Variants in SLCO1C1 observed in about 807,000 individuals in gnomAD.
SLCO1C1 encodes the protein solute carrier organic anion transporter family member 1C1, also known as OAT-RP-5.
A neutral mutation model predicts 76.4 loss-of-function variants in SLCO1C1; 70 were observed. The ratio of observed to expected loss-of-function variants is 0.92; its 90% confidence interval spans 0.76 to 1.12. The LOEUF is 1.12. Among genes scored for constraint, SLCO1C1 ranks in the 50% most tolerant of loss-of-function variants. SLCO1C1 has a pLI of 0.00. For synonymous variants in SLCO1C1, 306 were observed against 286.1 expected (o/e 1.07, Z -0.70); for missense variants, 912 against 823.8 (o/e 1.11, Z -1.31).
chr12:20,739,736 A>G (rs1948714568), intron 11 of SLCO1C1, among the ~76,000 whole-genome samples: 1 of 152,194 alleles, frequency 6.6e-6, no homozygotes, highest in Non-Finnish European at 1.5e-5. Context: ...ATGAGAAACC[A>G]CTGGCAGGTT....
intron 12 of SLCO1C1, among the ~76,000 whole-genome samples, chr12:20,741,838 A>C (rs796837084): frequency 4.6e-5 from 7 of 152,352 alleles, no homozygotes; most frequent in African/African-American, 1.7e-4. Flanking sequence ...TGATAAAATT[A>C]TTAAACATGA....
chr12:20,732,659 GAA>G (rs1948342646), intron 9 of SLCO1C1, among the ~76,000 whole-genome samples: 1 of 152,136 alleles, frequency 6.6e-6, no homozygotes, highest in Non-Finnish European at 1.5e-5. Context: ...AGAAAGACCA[GAA>G]AGATTTATTG....
At chr12:20,732,323 A>C (rs1052940712) in intron 9 of SLCO1C1, among the ~76,000 whole-genome samples, 3 of 152,158 alleles carry the variant, frequency 2.0e-5, no homozygotes, top group Non-Finnish European at 4.4e-5. Flanking sequence ...AAGTGAGGCT[A>C]ATAATATGCC....
At chr12:20,715,454 A>G (rs1947320229) in intron 6 of SLCO1C1, among the ~76,000 whole-genome samples, 169 bp downstream of exon 6, 1 of 152,206 alleles carries the variant, frequency 6.6e-6, no homozygotes, top group Non-Finnish European at 1.5e-5. Context: ...GATGATGAAG[A>G]CACCATAGTT....
At chr12:20,749,687 A>G (rs1354073581) in intron 13 of SLCO1C1, among the ~76,000 whole-genome samples, 2 of 152,126 alleles carry the variant, frequency 1.3e-5, no homozygotes, top group Non-Finnish European at 2.9e-5. Flanking sequence ...AATTCCTAAC[A>G]TTTTCTGAGA....
intron 13 of SLCO1C1, among the ~76,000 whole-genome samples, chr12:20,744,313 T>C (rs567810986): frequency 6.6e-6 from 1 of 152,056 alleles, no homozygotes; most frequent in Non-Finnish European, 1.5e-5. Flanking sequence ...CAAAAATTGT[T>C]CCAACATAAA....
Position 20,723,125 on chromosome 12 carries a change from C to A in SLCO1C1, c.1057C>A (p.Pro353Thr), listed in dbSNP as rs1361603446. ...ATCACTGAAGAATCTTTTTGGAAAC[C>A]CAGTATACTTCCTATATTTATGTAC... is the stretch of plus-strand genomic sequence containing the variant. The part of the protein sequence containing the change: ...LPSLKNLFGN[P>T]VYFLYLCTST... The change falls in exon 9 of 15, where the codon CCA (proline) becomes ACA (threonine). Residue 353 changes from proline to threonine, a missense_variant. Coordinates refer to ENST00000266509, the MANE Select transcript of SLCO1C1 (RefSeq NM_017435.5). The A allele has an allele frequency of 1.2e-6, 2 of 1,608,408 alleles. No individual in the cohort carries two copies. The highest frequency in any genetic ancestry group is 1.7e-5 in the Admixed American group (1 of 58,534).
At chr12:20,716,930 A>G (rs771879655) in intron 6 of SLCO1C1, among the ~76,000 whole-genome samples, 7 of 152,190 alleles carry the variant, frequency 4.6e-5, no homozygotes, top group Non-Finnish European at 2.9e-5. Flanking sequence ...TTAATGCCTT[A>G]AAATTGTTCA....
At chr12:20,745,892 C>A (rs1182490894) in intron 13 of SLCO1C1, among the ~76,000 whole-genome samples, 2 of 151,740 alleles carry the variant, frequency 1.3e-5, no homozygotes, top group South Asian at 2.1e-4. Flanking sequence ...TCAATATGAA[C>A]TCACATATTT....
intron 6 of SLCO1C1, 115 bp downstream of exon 6, chr12:20,715,400 CTTTA>C: frequency 8.8e-7 from 1 of 1,142,368 alleles, no homozygotes; most frequent in South Asian, 1.6e-5. Flanking sequence ...TATCCAACTC[CTTTA>C]TTTAGCTCAC....
At chr12:20,716,001 C>T (rs1947344613) in intron 6 of SLCO1C1, among the ~76,000 whole-genome samples, 1 of 152,114 alleles carries the variant, frequency 6.6e-6, no homozygotes, top group Non-Finnish European at 1.5e-5. Context: ...TGTTATTTTA[C>T]CCTTTCCTAT....
At chr12:20,733,399 CCT>C (rs1948388391) in intron 10 of SLCO1C1, among the ~76,000 whole-genome samples, 1 of 152,044 alleles carries the variant, frequency 6.6e-6, no homozygotes. Flanking sequence ...TTGAATAATG[CCT>C]CTGTCTATTC....
intron 4 of SLCO1C1, among the ~76,000 whole-genome samples, chr12:20,709,061 G>A (rs986584295): frequency 5.3e-5 from 8 of 152,162 alleles, no homozygotes; most frequent in African/African-American, 1.9e-4. Flanking sequence ...TGGTGGGAAA[G>A]CTTGGAAGCA....
In SLCO1C1 at chr12:20,740,205, G is replaced by T. The variant is rs1265533192; in HGVS notation, c.1570G>T (p.Val524Leu). 1 of 1,611,880 alleles carries T rather than the reference G, an allele frequency of 6.2e-7. No homozygotes were observed. Among genetic ancestry groups the T allele is most frequent in the African/African-American group, 1.3e-5 (1 of 74,780 alleles). Reference sequence around the variant, plus strand: ...ACAGATATTTTACAACTGCACTTGTGTGGGAATTGCAGCTTCTAAATCCGG... The same window carrying T: ...ACAGATATTTTACAACTGCACTTGTTTGGGAATTGCAGCTTCTAAATCCGG... ...KNIIFYNCTC[V>L]GIAASKSGNS... Residue 524 changes from valine (V) to leucine (L), a missense_variant, in exon 12 of 15, where the codon GTG (valine) becomes TTG (leucine). Val to Leu is a conservative substitution (Grantham distance 32). Transcript: ENST00000266509.
At chr12:20,725,446 A>G (rs1008637210) in intron 9 of SLCO1C1, among the ~76,000 whole-genome samples, 1 of 146,512 alleles carries the variant, frequency 6.8e-6, no homozygotes, top group Non-Finnish European at 1.5e-5. Flanking sequence ...TATATAGTAT[A>G]TTATGTATAC....
intron 5 of SLCO1C1, 142 bp from the exon 6 acceptor site, chr12:20,714,997 A>G: frequency 9.9e-7 from 1 of 1,014,838 alleles, no homozygotes; most frequent in South Asian, 1.7e-5. Context: ...TTAGAACTTG[A>G]CCAAACTCCC....
At chr12:20,746,078 C>T (rs1677439650) in intron 13 of SLCO1C1, among the ~76,000 whole-genome samples, 1 of 151,952 alleles carries the variant, frequency 6.6e-6, no homozygotes, top group African/African-American at 2.4e-5. Context: ...GTAGAAAATG[C>T]ATGAGATGAT....
intron 12 of SLCO1C1, among the ~76,000 whole-genome samples, chr12:20,742,762 G>T (rs1948880396): frequency 6.7e-6 from 1 of 148,826 alleles, no homozygotes; most frequent in Admixed American, 6.7e-5. Context: ...GGATGGTCTT[G>T]ATCTCCTGAC....
intron 9 of SLCO1C1, among the ~76,000 whole-genome samples, chr12:20,727,045 C>A: frequency 6.6e-6 from 1 of 152,178 alleles, no homozygotes; most frequent in East Asian, 1.9e-4. Flanking sequence ...TGATTTCATT[C>A]TTTCTATGAC....
Sources: gnomAD v4.1 joint callset for allele counts (sites outside exome capture counted in the v4.1 genomes callset) on GRCh38, gnomAD v4.1.1 for gene constraint, MANE v1.5 for transcripts, NCBI Gene and HGNC (gene_info 2026-07-23, HGNC 2026-07-21) for gene names.